ZNF445: variants seen among roughly 807,000 people sequenced by gnomAD.
ZNF445 encodes the protein zinc finger protein 445.
A neutral mutation model predicts 93.9 loss-of-function variants in ZNF445; 19 were observed. The ratio of observed to expected loss-of-function variants is 0.20; its 90% CI spans 0.14 to 0.30. The LOEUF (loss-of-function observed/expected upper bound fraction) is 0.30. Ranked by LOEUF, ZNF445 falls within the 10% of genes least tolerant of loss-of-function variation. ZNF445 has a pLI of 1.00. For synonymous variants in ZNF445, 449 were observed against 446.3 expected (o/e 1.01, Z -0.08); for missense variants, 1,058 against 1,259.4 (o/e 0.84, Z 2.42).
At position 44,439,725 on chromosome 3, in the gene ZNF445, C is replaced by T. The variant is rs1041046598; in HGVS notation, c.*6850G>A. 4 of 152,220 alleles carry T rather than the reference C, an allele frequency of 2.6e-5. No individual in the cohort carries two copies. Among genetic ancestry groups the T allele is most frequent in the African/African-American group, 9.7e-5 (4 of 41,446 alleles). 9.4% of individuals were successfully genotyped at this position (152,220 alleles called of 1,614,324 possible). A position where few individuals can be genotyped will look rare whatever the true frequency, so the allele number is the denominator to read the frequency against. The stretch of plus-strand genomic sequence containing the variant: ...GTGGGATCAATAAACTACCATCACT[C>T]AAAACTGGTTCGGATGTTGAAACTG... On this transcript the variant is annotated 3_prime_UTR_variant, in exon 8 of 8. Coordinates refer to ENST00000396077, the MANE Select transcript of ZNF445 (RefSeq NM_181489.6).
intron 3 of ZNF445, among the ~76,000 whole-genome samples, chr3:44,453,260 T>C (rs1203640171): frequency 1.3e-5 from 2 of 152,040 alleles, no homozygotes; most frequent in African/African-American, 4.8e-5. Flanking sequence ...TATATATATG[T>C]ATATGTATGA....
intron 7 of ZNF445, among the ~76,000 whole-genome samples, 160 bp from the exon 8 acceptor site, chr3:44,448,899 C>A (rs1697917695): frequency 6.6e-6 from 1 of 152,136 alleles, no homozygotes; most frequent in South Asian, 2.1e-4. Flanking sequence ...GAAGATTATC[C>A]CAGATTACAG....
At position 44,440,781 on chromosome 3, in the gene ZNF445, A is replaced by C. The variant is rs1022369513; in HGVS notation, c.*5794T>G. 1.3e-5 allele frequency: 2 copies of C among 152,150 alleles called. No individual in the cohort carries two copies. Among genetic ancestry groups the C allele is most frequent in the African/African-American group, 4.8e-5 (2 of 41,454 alleles). The allele number at this position is 152,150 out of a possible 1,614,324, so 9.4% of individuals were successfully genotyped here. ...CTGCTGGTTGCCTATTTTTATGGTT[A>C]TTTATTGATTATATGCTAAACAAGG... On this transcript the variant is annotated 3_prime_UTR_variant, in exon 8 of 8. Coordinates refer to ENST00000396077, the MANE Select transcript of ZNF445 (RefSeq NM_181489.6).
At chr3:44,473,490 C>CA (rs1553614175) in intron 1 of ZNF445, among the ~76,000 whole-genome samples, 1 of 56,930 alleles carries the variant, frequency 1.8e-5, no homozygotes, top group African/African-American at 4.4e-5. Context: ...CACACACACA[C>CA]AAAAAATGCT....
intron 3 of ZNF445, among the ~76,000 whole-genome samples, chr3:44,453,288 TG>T (rs910929214): frequency 1.6e-4 from 25 of 151,860 alleles, no homozygotes; most frequent in Non-Finnish European, 3.2e-4. Flanking sequence ...TGTCTATATA[TG>T]TTTTTTTTTT....
chr3:44,452,255 C>T (rs1279253222), intron 3 of ZNF445, among the ~76,000 whole-genome samples: 1 of 151,926 alleles, frequency 6.6e-6, no homozygotes, highest in Admixed American at 6.6e-5. Flanking sequence ...CAAATCTCAG[C>T]CTGAGGCCAT....
intron 1 of ZNF445, among the ~76,000 whole-genome samples, chr3:44,464,991 C>T (rs905889063): frequency 4.6e-5 from 7 of 151,500 alleles, no homozygotes; most frequent in Non-Finnish European, 8.8e-5. Flanking sequence ...TGCTTGAACC[C>T]GGCAGGCGGA....
In ZNF445 at chr3:44,432,194, C is replaced by T. The variant is rs1374932649; in HGVS notation, c.*14381G>A. The T allele has an allele frequency of 6.6e-6, 1 of 152,112 alleles. No individual in the cohort carries two copies. The highest frequency in any genetic ancestry group is 1.5e-5 in the Non-Finnish European group (1 of 68,072). 9.4% of individuals were successfully genotyped at this position (152,112 alleles called of 1,614,324 possible). On this transcript the variant is annotated 3_prime_UTR_variant, in exon 8 of 8. Coordinates refer to ENST00000396077, the MANE Select transcript of ZNF445 (RefSeq NM_181489.6). ...ATTACAGGCGTTGAGCCACCATGCC[C>T]AGCCCTTGAAATTTAAATTTCAATG...
chr3:44,476,485 A>T (rs1698357778), intron 1 of ZNF445, among the ~76,000 whole-genome samples: 1 of 152,076 alleles, frequency 6.6e-6, no homozygotes, highest in Admixed American at 6.6e-5. Flanking sequence ...ACACACGCAG[A>T]CACACACACA....
At chr3:44,467,955 G>A (rs1206446853) in intron 1 of ZNF445, among the ~76,000 whole-genome samples, 1 of 152,082 alleles carries the variant, frequency 6.6e-6, no homozygotes, top group Non-Finnish European at 1.5e-5. Context: ...TTTAAAATTG[G>A]GAATTGTACT....
At chr3:44,453,587 G>A (rs527855765) in intron 3 of ZNF445, among the ~76,000 whole-genome samples, 292 of 152,272 alleles carry the variant, frequency 1.9e-3, no homozygotes, top group African/African-American at 6.7e-3. Context: ...GAGCCACCAC[G>A]CCTGGCCAGA....
At position 44,446,939 on chromosome 3, in the gene ZNF445, A is replaced by T; in HGVS notation, c.2732T>A (p.Leu911His). ...GGTGTGTTTCCTCTGGTGACTGGAA[A>T]GGGTATGTCTCCCAATGAACTCTTT... ...CGKEFIGRHTLSSHQRKHTRA... is the reference protein window; with the variant it reads ...CGKEFIGRHTHSSHQRKHTRA... The change falls in exon 8 of 8, where the codon CTT becomes CAT. Residue 911 changes from leucine to histidine, a missense_variant. Leu to His is a moderately conservative substitution (Grantham distance 99). Around this residue, in one of 3 missense-constraint regions of ZNF445, gnomAD observed 387 missense variants for 475.7 expected, o/e 0.81. Coordinates refer to ENST00000396077, the MANE Select transcript of ZNF445 (RefSeq NM_181489.6). The surrounding 1 kb of genome is among the most constrained non-coding windows in gnomAD (Gnocchi z 4.2). 6.2e-7 allele frequency: 1 copy of T among 1,614,104 alleles called. No homozygotes were observed. The highest frequency in any genetic ancestry group is 1.3e-5 in the African/African-American group (1 of 75,002).
intron 1 of ZNF445, among the ~76,000 whole-genome samples, chr3:44,465,730 T>C (rs1222767599): frequency 1.3e-5 from 2 of 152,142 alleles, no homozygotes; most frequent in Admixed American, 6.5e-5. Flanking sequence ...CTGGCCAACA[T>C]GGTGAAACCC....
chr3:44,462,470 G>A (rs958317074), intron 1 of ZNF445, among the ~76,000 whole-genome samples: 5 of 152,166 alleles, frequency 3.3e-5, no homozygotes, highest in African/African-American at 1.2e-4. Context: ...ACCGCTCATT[G>A]CTCTAACTCA....
chr3:44,455,521 T>C lies in ZNF445; in HGVS notation c.29A>G (p.Tyr10Cys), dbSNP rs377233894. The change falls in exon 3 of 8, where the codon TAT (tyrosine) becomes TGT (cysteine). Residue 10 changes from tyrosine to cysteine, a missense_variant. Transcript: ENST00000396077. ...CCTCGAAGACTGGGCCTGAGCTGGA[T>C]AGGCAGCATGCCACCTGCCTGGAGG... MPPGRWHAA[Y>C]PAQAQSSRER... is the part of the protein sequence containing the mutation. 1.0e-5 allele frequency: 16 copies of C among 1,606,076 alleles called. No homozygotes were observed. Among genetic ancestry groups the C allele is most frequent in the Admixed American group, 5.1e-5 (3 of 59,142 alleles).
At chr3:44,450,829 G>A (rs200350600) in intron 5 of ZNF445, 39 bp downstream of exon 5, 157 of 1,482,594 alleles carry the variant, frequency 1.1e-4, no homozygotes, top group Admixed American at 2.4e-4. Flanking sequence ...AGGCAGCGAC[G>A]TGGGGACATC....
In ZNF445 at chr3:44,455,023, C is replaced by G. The variant is rs887486104; in HGVS notation, c.429+98G>C. 3.4e-6 allele frequency: 5 copies of G among 1,467,336 alleles called. No homozygotes were observed. The Admixed American group carries it at 9.1e-5, about 27-fold the overall frequency. The allele number at this position is 1,467,336 out of a possible 1,614,324, so 90.9% of individuals were successfully genotyped here. A position where few individuals can be genotyped will look rare whatever the true frequency, so the allele number is the denominator to read the frequency against. On this transcript the variant is annotated intron_variant, in intron 3 of 7. Coordinates refer to ENST00000396077, the MANE Select transcript of ZNF445 (RefSeq NM_181489.6). ...AGAAAGGAAGGCTTCCCCTGCACTCCTCTATATTGACAGTTTAGAGGGCCA... is the reference window on the plus strand; with the variant it reads ...AGAAAGGAAGGCTTCCCCTGCACTCGTCTATATTGACAGTTTAGAGGGCCA...
intron 3 of ZNF445, 70 bp downstream of exon 3, chr3:44,455,051 C>T (rs1387202502): frequency 6.3e-7 from 1 of 1,592,502 alleles, no homozygotes. Flanking sequence ...GAGGGCCACC[C>T]CCATCCCCAG....
rs1697794707 is a variant in ZNF445 at position 44,440,667 on chromosome 3, T to C, written c.*5908A>G. 6.6e-6 allele frequency: 1 copy of C among 152,188 alleles called. No individual in the cohort carries two copies. The highest frequency in any genetic ancestry group is 2.4e-5 in the African/African-American group (1 of 41,440). 9.4% of individuals were successfully genotyped at this position (152,188 alleles called of 1,614,324 possible). On this transcript the variant is annotated 3_prime_UTR_variant, in exon 8 of 8. Transcript: ENST00000396077. Reference sequence around the variant, plus strand: ...CTTGGACCTTGCTCAAGAAAAGAATTCGGGCGAGTCCACAAAGTGAAAGTA... The same window carrying C: ...CTTGGACCTTGCTCAAGAAAAGAATCCGGGCGAGTCCACAAAGTGAAAGTA...
Sources: allele counts gnomAD v4.1 joint callset (sites outside exome capture counted in the v4.1 genomes callset), GRCh38; gene constraint gnomAD v4.1.1; regional missense constraint gnomAD v4.1.1; non-coding constraint Gnocchi (gnomAD v3.1); transcripts MANE v1.5; gene names NCBI Gene and HGNC (gene_info 2026-07-23, HGNC 2026-07-21).